RTTN: variants seen among roughly 807,000 people sequenced by gnomAD.
The protein encoded by RTTN is rotatin.
A neutral mutation model predicts 269.2 loss-of-function variants in RTTN; 182 were observed. That is an observed-to-expected ratio of 0.68 (90% CI 0.60 to 0.76). The LOEUF is 0.76. Ranked by LOEUF, RTTN falls within the 30% of genes least tolerant of loss-of-function variation. The probability of loss-of-function intolerance (pLI) is 0.00; values close to 1 mark genes in which losing one functional copy is unlikely to be tolerated. For missense variants in RTTN, 2,545 were observed against 2,608.6 expected (o/e 0.98, Z 0.53); for synonymous variants, 1,006 against 963.5 (o/e 1.04, Z -0.82).
rs556147568 is a variant in RTTN at position 70,166,430 on chromosome 18, G to T, written c.1803-242C>A. ...CTTTAAAATCCCCTACTCAGTTAAT[G>T]ATTATCACATCACAGAATTTATTCT... is the stretch of plus-strand genomic sequence containing the variant. On this transcript the variant is annotated intron_variant, in intron 13 of 48. Coordinates refer to ENST00000640769, the MANE Select transcript of RTTN (RefSeq NM_173630.4). The T allele has an allele frequency of 2.7e-4, 83 of 305,598 alleles. No homozygotes were observed. In the South Asian group the frequency reaches 8.5e-3, roughly 31 times the overall value. The allele number at this position is 305,598 out of a possible 1,614,324, so 18.9% of individuals were successfully genotyped here.
intron 28 of RTTN, among the ~76,000 whole-genome samples, chr18:70,099,531 G>T (rs1369343994): frequency 6.6e-6 from 1 of 151,952 alleles, no homozygotes; most frequent in Non-Finnish European, 1.5e-5. Flanking sequence ...TCTGTAGGTT[G>T]CCTGTTCACT....
chr18:70,161,935 G>A (rs2060842517), intron 14 of RTTN, among the ~76,000 whole-genome samples: 1 of 152,192 alleles, frequency 6.6e-6, no homozygotes, highest in Non-Finnish European at 1.5e-5. Flanking sequence ...TTCAGTCACT[G>A]TGGAAAACAG....
chr18:70,127,642 C>T lies in RTTN; in HGVS notation c.3243G>A (p.Gln1081=). 3 of 1,613,532 alleles carry T rather than the reference C, an allele frequency of 1.9e-6. No homozygotes were observed. The highest frequency in any genetic ancestry group is 2.5e-6 in the Non-Finnish European group (3 of 1,179,728). ...GLQDCLHSIV[Q]AATHREVRAA... ...CCCTAACTTCCCTGTGGGTTGCAGC[C>T]TGAACAATGGAATGGAGGCAGTCCT... Residue 1081 remains glutamine (Q), a synonymous_variant, in exon 25 of 49, where the codon CAG becomes CAA. Transcript: ENST00000640769.
At chr18:70,023,851 C>T (rs1312717281) in intron 44 of RTTN, among the ~76,000 whole-genome samples, 4 of 152,112 alleles carry the variant, frequency 2.6e-5, no homozygotes, top group Non-Finnish European at 5.9e-5. Context: ...GGCGTGATCT[C>T]GGCTCACTGT....
At chr18:70,022,560 G>C (rs968635117) in intron 44 of RTTN, among the ~76,000 whole-genome samples, 1 of 152,130 alleles carries the variant, frequency 6.6e-6, no homozygotes, top group Non-Finnish European at 1.5e-5. Context: ...GTCCTCTTAA[G>C]AGTAGTACAT....
intron 40 of RTTN, among the ~76,000 whole-genome samples, chr18:70,046,833 A>G (rs2057504772): frequency 6.6e-6 from 1 of 152,186 alleles, no homozygotes; most frequent in Non-Finnish European, 1.5e-5. Context: ...CTATGCTGGA[A>G]AGGTAACCAG....
intron 14 of RTTN, among the ~76,000 whole-genome samples, chr18:70,160,424 C>T (rs957954923): frequency 6.6e-6 from 1 of 150,848 alleles, no homozygotes; most frequent in Non-Finnish European, 1.5e-5. Context: ...GGCATTGAAG[C>T]CTCAAAATAA....
rs566574912 is a variant in RTTN, at chr18:70,119,116, C to T, written c.3528+2440G>A. Reference sequence around the variant, plus strand: ...TATATAGAAAGAAATAAAAGGCATCCACATTAGAAAAAAGGCAAGTTAAGC... The same window carrying T: ...TATATAGAAAGAAATAAAAGGCATCTACATTAGAAAAAAGGCAAGTTAAGC... On this transcript the variant is annotated intron_variant, in intron 26 of 48. Coordinates refer to ENST00000640769, the MANE Select transcript of RTTN (RefSeq NM_173630.4). 3.9e-4 allele frequency among the ~76,000 whole-genome samples: 60 copies of T among 151,968 alleles called. 2 individuals carry two copies. In the South Asian group the frequency reaches 0.012, roughly 30 times the overall value.
chr18:70,044,906 T>C (rs565049259), intron 40 of RTTN, among the ~76,000 whole-genome samples: 3 of 152,282 alleles, frequency 2.0e-5, no homozygotes, highest in Non-Finnish European at 2.9e-5. Context: ...TTCCATTTAA[T>C]ATTTCTGGAC....
chr18:70,175,043 AC>A (rs2061253323), intron 11 of RTTN, among the ~76,000 whole-genome samples: 1 of 46,974 alleles, frequency 2.1e-5, no homozygotes. Flanking sequence ...CAAAACCAAA[AC>A]CAAAAAAAAA....
chr18:70,204,449 C>T (rs2062027599), intron 2 of RTTN, among the ~76,000 whole-genome samples, 186 bp from the exon 3 acceptor site: 2 of 152,132 alleles, frequency 1.3e-5, no homozygotes, highest in South Asian at 4.1e-4. Flanking sequence ...GACATACATC[C>T]AACACTTGAT....
chr18:70,114,632 C>T, intron 26 of RTTN, 33 bp from the exon 27 acceptor site: 9 of 1,591,762 alleles, frequency 5.7e-6, no homozygotes, highest in Non-Finnish European at 7.7e-6. Context: ...AATGTATTTA[C>T]TAATTGAACT....
At chr18:70,188,979 C>T (rs2061609496) in intron 9 of RTTN, among the ~76,000 whole-genome samples, 1 of 152,180 alleles carries the variant, frequency 6.6e-6, no homozygotes, top group South Asian at 2.1e-4. Flanking sequence ...TCTTACAAAT[C>T]TCTTACGATA....
chr18:70,176,026 T>C (rs1343420602), intron 11 of RTTN, among the ~76,000 whole-genome samples: 1 of 152,048 alleles, frequency 6.6e-6, no homozygotes, highest in Non-Finnish European at 1.5e-5. Context: ...TTCAATGCCC[T>C]CCAATCAATT....
At chr18:70,160,157 T>C (rs2060787761) in intron 14 of RTTN, among the ~76,000 whole-genome samples, 1 of 151,476 alleles carries the variant, frequency 6.6e-6, no homozygotes, top group Non-Finnish European at 1.5e-5. Flanking sequence ...CCAATATCTC[T>C]GATGGACATA....
At chr18:70,134,190 A>C (rs1278919667) in intron 23 of RTTN, among the ~76,000 whole-genome samples, 1 of 152,058 alleles carries the variant, frequency 6.6e-6, no homozygotes, top group African/African-American at 2.4e-5. Context: ...GAAAGCAAAG[A>C]GACTCATATG....
chr18:70,064,280 C>A (rs1599351169), intron 35 of RTTN, among the ~76,000 whole-genome samples: 1 of 127,912 alleles, frequency 7.8e-6, no homozygotes. Flanking sequence ...AGAGGCTGCA[C>A]TGAGCCAAGA....
chr18:70,191,990 A>G (rs2061683059), intron 8 of RTTN, among the ~76,000 whole-genome samples: 1 of 152,198 alleles, frequency 6.6e-6, no homozygotes, highest in Non-Finnish European at 1.5e-5. Flanking sequence ...CTAAGAGCAT[A>G]GACTCTCCTA....
At chr18:70,192,395 T>C (rs1319950354) in intron 8 of RTTN, among the ~76,000 whole-genome samples, 1 of 152,132 alleles carries the variant, frequency 6.6e-6, no homozygotes, top group African/African-American at 2.4e-5. Flanking sequence ...TGCCAAGCAC[T>C]GGGGGCCAAG....
Sources: gnomAD v4.1 joint callset for allele counts (sites outside exome capture counted in the v4.1 genomes callset) on GRCh38, gnomAD v4.1.1 for gene constraint, MANE v1.5 for transcripts, NCBI Gene and HGNC (gene_info 2026-07-23, HGNC 2026-07-21) for gene names.